ZMYND8: variants seen among roughly 807,000 people sequenced by gnomAD.
ZMYND8 encodes zinc finger MYND-type containing 8.
In ZMYND8, 37 loss-of-function variants were observed where a neutral mutation model predicts 140.8. That is an observed-to-expected ratio of 0.26 (90% CI 0.20 to 0.35). The LOEUF (loss-of-function observed/expected upper bound fraction) is 0.35, where lower values mean the gene tolerates loss of function less well. ZMYND8 is among the 10% of genes least tolerant of loss of function. The pLI is 1.00. For missense variants in ZMYND8, 1,068 were observed against 1,570.0 expected (o/e 0.68, Z 5.40); for synonymous variants, 592 against 597.1 (o/e 0.99, Z 0.12).
chr20:47,228,206 A>C (rs575220692), intron 17 of ZMYND8, among the ~76,000 whole-genome samples: 1 of 152,254 alleles, frequency 6.6e-6, no homozygotes, highest in African/African-American at 2.4e-5. Flanking sequence ...GAATGTCTGG[A>C]GTCATTTGCG....
intron 12 of ZMYND8, among the ~76,000 whole-genome samples, chr20:47,257,035 C>T (rs2074787463): frequency 6.6e-6 from 1 of 152,136 alleles, no homozygotes. Context: ...CCGGGCCCAC[C>T]TCTTCTCTTC....
Position 47,300,609 on chromosome 20 carries a change from T to A in ZMYND8, c.235-1662A>T, listed in dbSNP as rs141581138. 5.8e-3 allele frequency among the ~76,000 whole-genome samples: 880 copies of A among 152,354 alleles called. 7 individuals carry two copies. The highest frequency in any genetic ancestry group is 0.045 in the South Asian group (218 of 4,830). On this transcript the variant is annotated intron_variant, in intron 3 of 22. Transcript: ENST00000471951. ...ACATCAGTTTTGTCTTTTCCTATCA[T>A]ATACTTTAACACGACTTTTCTTTTT...
rs143086919 is a variant in ZMYND8 at position 47,239,110 on chromosome 20, C to T, written c.2313G>A (p.Thr771=). ...DVVGKTPPST[T]VGSHSPPETP... The stretch of plus-strand genomic sequence containing the variant: ...TTTCCGGGGGAGAATGGCTGCCCAC[C>T]GTCGTGGATGGTGGAGTTTTACCTA... Residue 771 remains threonine, a synonymous_variant, in exon 15 of 23, where the codon ACG becomes ACA. Transcript: ENST00000471951. The T allele has an allele frequency of 4.0e-3, 6,030 of 1,506,502 alleles. 16 individuals are homozygous for T. The highest frequency in any genetic ancestry group is 4.4e-3 in the Non-Finnish European group (5,026 of 1,132,756). The allele number at this position is 1,506,502 out of a possible 1,614,324, so 93.3% of individuals were successfully genotyped here. A position where few individuals can be genotyped will look rare whatever the true frequency, so the allele number is the denominator to read the frequency against.
chr20:47,244,916 G>A (rs2040375578), intron 14 of ZMYND8, among the ~76,000 whole-genome samples: 1 of 152,070 alleles, frequency 6.6e-6, no homozygotes, highest in South Asian at 2.1e-4. Flanking sequence ...AATTAGCCAG[G>A]CGTGGTGGCA....
intron 2 of ZMYND8, among the ~76,000 whole-genome samples, chr20:47,337,561 C>T (rs2081483407): frequency 6.6e-6 from 1 of 152,092 alleles, no homozygotes; most frequent in Non-Finnish European, 1.5e-5. Context: ...TTTGACACTT[C>T]CTTAATTCAT....
intron 8 of ZMYND8, among the ~76,000 whole-genome samples, chr20:47,286,189 T>C (rs1029897224): frequency 4.5e-4 from 68 of 151,742 alleles, no homozygotes; most frequent in African/African-American, 1.5e-3. Context: ...TTTTTTTTTT[T>C]TTCTCGGAGA....
Position 47,239,090 on chromosome 20 carries a change from G to C in ZMYND8, c.2333C>G (p.Pro778Arg), listed in dbSNP as rs780491504. 2.0e-6 allele frequency: 3 copies of C among 1,523,670 alleles called. No homozygotes were observed. The highest frequency in any genetic ancestry group is 2.3e-5 in the East Asian group (1 of 44,048). The allele number at this position is 1,523,670 out of a possible 1,614,324, so 94.4% of individuals were successfully genotyped here. A position where few individuals can be genotyped will look rare whatever the true frequency, so the allele number is the denominator to read the frequency against. The change falls in exon 15 of 23, where the codon CCG becomes CGG. Residue 778 changes from proline (P) to arginine (R), a missense_variant. Physicochemically the swap from Pro to Arg is moderately radical, Grantham distance 103 (BLOSUM62 -2). Around this residue, in one of 10 missense-constraint regions of ZMYND8, gnomAD observed 383 missense variants for 431.2 expected, o/e 0.89. Coordinates refer to ENST00000471951, the MANE Select transcript of ZMYND8 (RefSeq NM_001281775.3). ...PSTTVGSHSP[P>R]ETPVLTRSSA... ...AGAGCGGGTGAGCACCGGTGTTTCC[G>C]GGGGAGAATGGCTGCCCACCGTCGT... is the stretch of plus-strand genomic sequence containing the variant.
At chr20:47,212,621 G>T in intron 22 of ZMYND8, 21 bp downstream of exon 22, 1 of 1,613,368 alleles carries the variant, frequency 6.2e-7, no homozygotes, top group South Asian at 1.1e-5. Flanking sequence ...GGCAGCTTTC[G>T]TAAGACAGGT....
intron 2 of ZMYND8, among the ~76,000 whole-genome samples, chr20:47,327,902 C>T (rs1176815775): frequency 6.6e-6 from 1 of 152,218 alleles, no homozygotes; most frequent in Non-Finnish European, 1.5e-5. Context: ...GCAGCCTTGA[C>T]CTCCTGGGCT....
chr20:47,305,100 C>G (rs1202195273), intron 3 of ZMYND8, among the ~76,000 whole-genome samples: 2 of 151,902 alleles, frequency 1.3e-5, no homozygotes, highest in Non-Finnish European at 2.9e-5. Context: ...AAAAATTAGC[C>G]AGGCATGTTG....
chr20:47,270,713 A>G (rs34064663), intron 11 of ZMYND8, among the ~76,000 whole-genome samples: 3 of 128,196 alleles, frequency 2.3e-5, no homozygotes, highest in South Asian at 2.3e-4. Flanking sequence ...AAAAAAAAAA[A>G]AAAAAAGAAA....
intron 22 of ZMYND8, among the ~76,000 whole-genome samples, chr20:47,211,235 A>G (rs1288630048): frequency 6.6e-6 from 1 of 152,182 alleles, no homozygotes; most frequent in Non-Finnish European, 1.5e-5. Flanking sequence ...ACTGAACGAC[A>G]CCAAGCACCC....
chr20:47,258,693 G>A (rs2074935254), intron 12 of ZMYND8, among the ~76,000 whole-genome samples: 1 of 152,056 alleles, frequency 6.6e-6, no homozygotes, highest in South Asian at 2.1e-4. Flanking sequence ...CCCTTTCATT[G>A]TCCCTGTCTG....
At chr20:47,273,832 G>T (rs978384339) in intron 11 of ZMYND8, among the ~76,000 whole-genome samples, 1 of 152,164 alleles carries the variant, frequency 6.6e-6, no homozygotes, top group Admixed American at 6.6e-5. Flanking sequence ...TTGGAAAAAA[G>T]ACCCAAAAAG....
intron 2 of ZMYND8, among the ~76,000 whole-genome samples, chr20:47,338,357 G>A (rs1023446376): frequency 2.6e-5 from 4 of 151,832 alleles, no homozygotes; most frequent in Admixed American, 6.6e-5. Flanking sequence ...GCTCAGAACC[G>A]AAGGACCCTG....
At chr20:47,234,751 C>T (rs2038990182) in intron 16 of ZMYND8, among the ~76,000 whole-genome samples, 1 of 151,972 alleles carries the variant, frequency 6.6e-6, no homozygotes, top group African/African-American at 2.4e-5. Flanking sequence ...AAAAAAAATT[C>T]ATATATATTT....
chr20:47,270,287 C>T (rs941111641), intron 11 of ZMYND8, among the ~76,000 whole-genome samples: 12 of 147,524 alleles, frequency 8.1e-5, no homozygotes, highest in African/African-American at 3.0e-4. Flanking sequence ...GCAGGAGAAT[C>T]GCTTGAACCC....
At chr20:47,317,668 T>A (rs1481737221) in intron 2 of ZMYND8, among the ~76,000 whole-genome samples, 1 of 152,164 alleles carries the variant, frequency 6.6e-6, no homozygotes, top group South Asian at 2.1e-4. Flanking sequence ...CAACCAACCA[T>A]GTGCTTAGCT....
chr20:47,310,027 G>A (rs2078804092), intron 3 of ZMYND8, 29 bp downstream of exon 3: 1 of 1,613,818 alleles, frequency 6.2e-7, no homozygotes, highest in South Asian at 1.1e-5. Context: ...TCCCACCAGT[G>A]AGGACACCGT....
Sources: allele counts gnomAD v4.1 joint callset (sites outside exome capture counted in the v4.1 genomes callset), GRCh38; gene constraint gnomAD v4.1.1; regional missense constraint gnomAD v4.1.1; transcripts MANE v1.5; gene names NCBI Gene and HGNC (gene_info 2026-07-23, HGNC 2026-07-21).